WDR48: variants seen among roughly 807,000 people sequenced by gnomAD.
WDR48 encodes WD repeat domain 48.
Under a neutral mutation model 94.0 loss-of-function variants are expected in WDR48, and 22 were observed. That is an observed-to-expected ratio of 0.23 (90% confidence interval 0.17 to 0.33). WDR48 has a LOEUF of 0.33. Among genes scored for constraint, WDR48 ranks in the 10% least tolerant of loss-of-function variants. WDR48 has a pLI of 1.00. For missense variants in WDR48, 541 were observed against 813.8 expected (o/e 0.66, Z 4.08); for synonymous variants, 278 against 280.5 (o/e 0.99, Z 0.09).
intron 1 of WDR48, among the ~76,000 whole-genome samples, chr3:39,054,628 A>T (rs946448776): frequency 5.9e-5 from 9 of 152,248 alleles, no homozygotes; most frequent in Non-Finnish European, 1.0e-4. Context: ...AATATATTCT[A>T]CAAAATTGCA....
At chr3:39,088,072 G>C in intron 14 of WDR48, 56 bp from the exon 15 acceptor site, 1 of 1,536,310 alleles carries the variant, frequency 6.5e-7, no homozygotes, top group Non-Finnish European at 9.0e-7. Context: ...AAAATGTTTA[G>C]AATCTGTATT....
chr3:39,069,237 A>C (rs1000541), intron 6 of WDR48, among the ~76,000 whole-genome samples: 5,332 of 152,276 alleles, frequency 0.035, 193 homozygotes, highest in East Asian at 0.16. Flanking sequence ...GGCCTCCCAG[A>C]GTGCTGAGAT....
chr3:39,082,034 A>G (rs1037947468), intron 11 of WDR48, among the ~76,000 whole-genome samples: 8 of 152,214 alleles, frequency 5.3e-5, no homozygotes, highest in Middle Eastern at 3.2e-3. Context: ...TGGCTGTGCC[A>G]AATACTCGCC....
At chr3:39,066,907 T>A in intron 5 of WDR48, 32 bp downstream of exon 5, 1 of 1,601,202 alleles carries the variant, frequency 6.2e-7, no homozygotes, top group Non-Finnish European at 8.5e-7. Flanking sequence ...TCTTTGAAAG[T>A]GATCCAAGTT....
intron 7 of WDR48, among the ~76,000 whole-genome samples, chr3:39,072,345 C>CA (rs137960466): frequency 0.043 from 6,482 of 152,250 alleles, 171 homozygotes; most frequent in Middle Eastern, 0.061. Context: ...TGATTTGAGT[C>CA]AGTCATGTCC....
chr3:39,082,013 C>T (rs2034560187), intron 11 of WDR48, among the ~76,000 whole-genome samples: 1 of 152,190 alleles, frequency 6.6e-6, no homozygotes, highest in Non-Finnish European at 1.5e-5. Flanking sequence ...GACAGAGCTG[C>T]ATTCTAACCT....
chr3:39,089,374 A>G (rs574012967), intron 16 of WDR48, 56 bp downstream of exon 16: 1 of 1,507,826 alleles, frequency 6.6e-7, no homozygotes, highest in Non-Finnish European at 9.2e-7. Flanking sequence ...TCATGAAATT[A>G]AGAACTGCTT....
chr3:39,062,924 A>T, intron 1 of WDR48, 126 bp from the exon 2 acceptor site: 1 of 1,221,624 alleles, frequency 8.2e-7, no homozygotes, highest in East Asian at 2.4e-5. Flanking sequence ...TTAAATTTGT[A>T]TTGGGTTGAA....
intron 11 of WDR48, among the ~76,000 whole-genome samples, chr3:39,083,564 A>G (rs541817303): frequency 3.9e-5 from 6 of 152,250 alleles, no homozygotes; most frequent in Admixed American, 3.9e-4. Context: ...AGAAAAAGGA[A>G]TCAGAGTCAT....
chr3:39,067,486 A>T (rs537858031), intron 5 of WDR48, among the ~76,000 whole-genome samples: 8 of 152,264 alleles, frequency 5.3e-5, no homozygotes, highest in South Asian at 2.1e-4. Flanking sequence ...CAGCTAAGAG[A>T]TCTCAGACTA....
At chr3:39,056,978 G>A (rs2032931654) in intron 1 of WDR48, among the ~76,000 whole-genome samples, 1 of 152,000 alleles carries the variant, frequency 6.6e-6, no homozygotes, top group Non-Finnish European at 1.5e-5. Flanking sequence ...AGCCTTCTGA[G>A]AAAATAAAGG....
rs1165842481 is a variant in WDR48 at position 39,078,188 on chromosome 3, T to G, written c.1024T>G (p.Cys342Gly). The G allele has an allele frequency of 1.2e-6, 2 of 1,613,320 alleles. No homozygotes were observed. Among genetic ancestry groups the G allele is most frequent in the Middle Eastern group, 3.3e-4 (2 of 6,052 alleles). ...AGCCTCTGGAGATTATGACAATGAC[T>G]GTACAAATCCTATAACACCTCTTTG... ...FRASGDYDNDCTNPITPLCTQ... is the reference protein window; with the variant it reads ...FRASGDYDNDGTNPITPLCTQ... Residue 342 changes from cysteine (C) to glycine (G), a missense_variant, in exon 10 of 19, where the codon TGT becomes GGT. By Grantham distance (159) the Cys-to-Gly change is radical. Transcript: ENST00000302313.
intron 16 of WDR48, 184 bp from the exon 17 acceptor site, chr3:39,091,441 T>C (rs1403296125): frequency 2.1e-6 from 1 of 483,970 alleles, no homozygotes; most frequent in Non-Finnish European, 3.7e-6. Context: ...ATGTTACATA[T>C]ATTTTTCTGA....
intron 5 of WDR48, among the ~76,000 whole-genome samples, chr3:39,067,629 C>T (rs1402106616): frequency 6.6e-6 from 1 of 152,142 alleles, no homozygotes; most frequent in African/African-American, 2.4e-5. Context: ...CCTGGAAAGT[C>T]TACATTGAAG....
intron 7 of WDR48, among the ~76,000 whole-genome samples, chr3:39,071,590 C>T (rs962782849): frequency 6.6e-6 from 1 of 152,196 alleles, no homozygotes; most frequent in Non-Finnish European, 1.5e-5. Context: ...ATCACGTGTA[C>T]AGTTAGAAAT....
intron 14 of WDR48, chr3:39,086,402 G>A (rs1232943662): frequency 1.3e-5 from 2 of 152,222 alleles, no homozygotes; most frequent in Admixed American, 6.5e-5. Flanking sequence ...CCTCCTGCCA[G>A]GGACTTTGTT....
intron 11 of WDR48, among the ~76,000 whole-genome samples, chr3:39,082,272 G>A (rs2034574946): frequency 6.6e-6 from 1 of 151,394 alleles, no homozygotes; most frequent in African/African-American, 2.4e-5. Flanking sequence ...GTGAACAAGA[G>A]TGATACTTTT....
Position 39,069,657 on chromosome 3 carries a change from G to A in WDR48, c.585G>A (p.Trp195Ter). Residue 195 changes from tryptophan to a stop codon, truncating the protein, a stop_gained, in exon 7 of 19, where the codon TGG (tryptophan) becomes TGA (stop). Transcript: ENST00000302313. LOFTEE classifies it high-confidence loss of function. ...SGSTEKVLRV[W>*]DPRTCAKLMK... is the part of the protein sequence containing the mutation. ...AAAATTCACAGGTGTTACGGGTATG[G>A]GATCCAAGAACATGTGCAAAACTAA... 6.2e-7 allele frequency: 1 copy of A among 1,612,398 alleles called. No individual in the cohort carries two copies.
chr3:39,089,346 C>G lies in WDR48; in HGVS notation c.1668+28C>G, dbSNP rs1559626746. 3 of 1,598,442 alleles carry G rather than the reference C, an allele frequency of 1.9e-6. No homozygotes were observed. In the South Asian group the frequency reaches 3.4e-5, roughly 18 times the overall value. On this transcript the variant is annotated intron_variant, in intron 16 of 18. Transcript: ENST00000302313. ...AAGTATCCTCCACTCCCACTTTGCT[C>G]TTTTATTTTTTTGTAACTCATGAAA...
Sources: allele counts gnomAD v4.1 joint callset (sites outside exome capture counted in the v4.1 genomes callset), GRCh38; gene constraint gnomAD v4.1.1; transcripts MANE v1.5; gene names NCBI Gene and HGNC (gene_info 2026-07-23, HGNC 2026-07-21).